Variants in PDZD2 observed in about 807,000 individuals in gnomAD.
PDZD2 encodes the protein PDZ domain-containing protein 2.
In PDZD2, 90 loss-of-function variants were observed where a neutral mutation model predicts 220.7. That is an observed-to-expected ratio of 0.41 (90% CI 0.34 to 0.49). PDZD2 has a LOEUF of 0.49. Among genes scored for constraint, PDZD2 ranks in the 20% least tolerant of loss-of-function variants. PDZD2 has a pLI of 0.28. For synonymous variants in PDZD2, 1,375 were observed against 1,450.5 expected (o/e 0.95, Z 1.18); for missense variants, 3,174 against 3,608.5 (o/e 0.88, Z 3.08).
intron 6 of PDZD2, among the ~76,000 whole-genome samples, chr5:32,019,718 T>C (rs1302755931): frequency 6.6e-6 from 1 of 152,220 alleles, no homozygotes; most frequent in Non-Finnish European, 1.5e-5. Context: ...AACTTTATTA[T>C]CGTTCTTTGG....
chr5:31,989,737 A>G (rs1037074765), intron 3 of PDZD2, among the ~76,000 whole-genome samples: 5 of 151,868 alleles, frequency 3.3e-5, no homozygotes, highest in Non-Finnish European at 7.4e-5. Flanking sequence ...TGTATACCAC[A>G]TTTTCTTTAT....
rs533387472 is a variant in PDZD2 at position 32,097,524 on chromosome 5, G to T, written c.7947+144G>T. ...CCAACATAAAAAGGGAGAAGTGGGAGAAGTAGTACGTAAGGTTTTCGTTGA... is the reference window on the plus strand; with the variant it reads ...CCAACATAAAAAGGGAGAAGTGGGATAAGTAGTACGTAAGGTTTTCGTTGA... On this transcript the variant is annotated intron_variant, in intron 22 of 24. Transcript: ENST00000438447. The T allele has an allele frequency of 8.8e-4, 580 of 661,564 alleles. 2 individuals carry two copies. Among genetic ancestry groups the T allele is most frequent in the Non-Finnish European group, 1.4e-3 (512 of 364,528 alleles). The allele number at this position is 661,564 out of a possible 1,614,324, so 41.0% of individuals were successfully genotyped here.
At position 32,083,196 on chromosome 5, in the gene PDZD2, C is replaced by CAAA. The variant is rs10708046; in HGVS notation, c.3683-3921_3683-3919dup. On this transcript the variant is annotated intron_variant, in intron 19 of 24. Coordinates refer to ENST00000438447, the MANE Select transcript of PDZD2 (RefSeq NM_178140.4). This position sits in a 1 kb window ranked among gnomAD's most constrained non-coding sequence, Gnocchi z 4.1. ...TCCTGTGCTTTTTTTGTCTTTTTGC[C>CAAA]AAAAAAAAAAAAAAAATCCACTGTG... is the stretch of plus-strand genomic sequence containing the variant. Among the ~76,000 whole-genome samples the CAAA allele has an allele frequency of 1.1e-4, 14 of 129,800 alleles. No homozygotes were observed. Among genetic ancestry groups the CAAA allele is most frequent in the African/African-American group, 3.1e-4 (11 of 35,256 alleles). 85.2% of individuals were successfully genotyped at this position (129,800 alleles called of 152,430 possible). A position where few individuals can be genotyped will look rare whatever the true frequency, so the allele number is the denominator to read the frequency against.
chr5:31,807,101 A>G (rs1754778068), intron 2 of PDZD2, among the ~76,000 whole-genome samples: 1 of 151,830 alleles, frequency 6.6e-6, no homozygotes, highest in South Asian at 2.1e-4. Flanking sequence ...TGCCTGGCTA[A>G]TTTTTTGTAT....
At chr5:31,788,898 C>T (rs572755711) in intron 1 of PDZD2, among the ~76,000 whole-genome samples, 116 of 152,158 alleles carry the variant, frequency 7.6e-4, no homozygotes, top group African/African-American at 2.7e-3. Flanking sequence ...ACCCTCAAAT[C>T]GAGGCAGGAA....
At chr5:31,845,545 C>T (rs1757537571) in intron 2 of PDZD2, among the ~76,000 whole-genome samples, 1 of 152,142 alleles carries the variant, frequency 6.6e-6, no homozygotes, top group African/African-American at 2.4e-5. Context: ...GTGTCCTGCA[C>T]AGATTAGAAT....
intron 1 of PDZD2, among the ~76,000 whole-genome samples, chr5:31,781,680 A>C (rs1753071016): frequency 6.6e-6 from 1 of 152,238 alleles, no homozygotes; most frequent in Non-Finnish European, 1.5e-5. Flanking sequence ...TGATTTGAAA[A>C]TCACTGGTGG....
chr5:31,744,951 T>C (rs1046329628), intron 1 of PDZD2, among the ~76,000 whole-genome samples: 3 of 152,014 alleles, frequency 2.0e-5, no homozygotes, highest in African/African-American at 7.2e-5. Flanking sequence ...TGGGCACCTG[T>C]AATCCCAGCT....
rs146573250 is a variant in PDZD2 at position 31,721,039 on chromosome 5, T to C, written c.-360-77850T>C. On this transcript the variant is annotated intron_variant, in intron 1 of 24. Transcript: ENST00000438447. ...AAGGCAGGAGGAGGTTGGAGTGCGC[T>C]GCTTCCTATGCTTTCATTTTGGGTT... is the stretch of plus-strand genomic sequence containing the variant. Among the ~76,000 whole-genome samples, 530 of 152,232 alleles carry C rather than the reference T, an allele frequency of 3.5e-3. 4 individuals are homozygous for C. Among genetic ancestry groups the C allele is most frequent in the African/African-American group, 0.012 (490 of 41,536 alleles).
At chr5:31,993,386 G>A (rs1751384623) in intron 3 of PDZD2, among the ~76,000 whole-genome samples, 3 of 152,214 alleles carry the variant, frequency 2.0e-5, no homozygotes, top group South Asian at 2.1e-4. Context: ...CACGCTACCC[G>A]AAGGAGTGTG....
intron 1 of PDZD2, among the ~76,000 whole-genome samples, chr5:31,736,859 C>CTGAG (rs918967860): frequency 2.0e-5 from 3 of 152,108 alleles, no homozygotes; most frequent in African/African-American, 7.2e-5. Context: ...CACACAGGAT[C>CTGAG]TGAGATCTGG....
At chr5:32,015,561 C>A (rs1321571928) in intron 6 of PDZD2, among the ~76,000 whole-genome samples, 1 of 152,094 alleles carries the variant, frequency 6.6e-6, no homozygotes, top group Non-Finnish European at 1.5e-5. Context: ...CATGCAGTGA[C>A]AATATTTTAA....
chr5:31,888,328 G>A (rs1350105989), intron 2 of PDZD2, among the ~76,000 whole-genome samples: 1 of 152,130 alleles, frequency 6.6e-6, no homozygotes, highest in Non-Finnish European at 1.5e-5. Flanking sequence ...GAGTAGCTGG[G>A]ATTACAGGCG....
rs1580978227 is a variant in PDZD2 at position 31,880,791 on chromosome 5, C to CTTTTTTTCT, written c.476+81074_476+81075insCTTTTTTTT. On this transcript the variant is annotated intron_variant, in intron 2 of 24. Transcript: ENST00000438447. ...AGAAAGGTAGCTTTCTTTTTTTTTT[C>CTTTTTTTCT]TTTTTTTTTTTTTTTTTTTTTTTTT... is the stretch of plus-strand genomic sequence containing the variant. Among the ~76,000 whole-genome samples the CTTTTTTTCT allele has an allele frequency of 6.1e-3, 464 of 76,530 alleles. 4 individuals carry two copies. Among genetic ancestry groups the CTTTTTTTCT allele is most frequent in the East Asian group, 8.7e-3 (24 of 2,770 alleles). The allele number at this position is 76,530 out of a possible 152,430, so 50.2% of individuals were successfully genotyped here. A position where few individuals can be genotyped will look rare whatever the true frequency, so the allele number is the denominator to read the frequency against.
chr5:31,767,027 C>CTTTTT lies in PDZD2; in HGVS notation c.-360-31847_-360-31843dup, dbSNP rs3032828. ...ACAGGTGTGAGCAACTGCACCCAGC[C>CTTTTT]TTTTTTTTTTTTTTTTTTTGAGACA... On this transcript the variant is annotated intron_variant, in intron 1 of 24. Transcript: ENST00000438447. 1.4e-3 allele frequency among the ~76,000 whole-genome samples: 128 copies of CTTTTT among 94,292 alleles called. 4 individuals are homozygous for CTTTTT. Among genetic ancestry groups the CTTTTT allele is most frequent in the African/African-American group, 5.8e-3 (118 of 20,314 alleles). 61.9% of individuals were successfully genotyped at this position (94,292 alleles called of 152,430 possible).
intron 2 of PDZD2, among the ~76,000 whole-genome samples, chr5:31,896,905 C>T (rs1407002547): frequency 6.6e-6 from 1 of 152,200 alleles, no homozygotes; most frequent in South Asian, 2.1e-4. Context: ...TGCAGTGAGC[C>T]ATGATTGTGC....
chr5:31,712,190 G>A (rs1442128981), intron 1 of PDZD2: 1 of 152,262 alleles, frequency 6.6e-6, no homozygotes, highest in East Asian at 1.9e-4. Context: ...GATCATCCTG[G>A]TTATCTGTTG....
Position 31,850,243 on chromosome 5 carries a change from T to TATATATACACAC in PDZD2, c.476+50520_476+50521insTATATACACACA, listed in dbSNP as rs577432352. Among the ~76,000 whole-genome samples, 94 of 122,230 alleles carry TATATATACACAC rather than the reference T, an allele frequency of 7.7e-4. 3 individuals carry two copies. Among genetic ancestry groups the TATATATACACAC allele is most frequent in the African/African-American group, 8.7e-4 (29 of 33,214 alleles). 80.2% of individuals were successfully genotyped at this position (122,230 alleles called of 152,430 possible). On this transcript the variant is annotated intron_variant, in intron 2 of 24. Coordinates refer to ENST00000438447, the MANE Select transcript of PDZD2 (RefSeq NM_178140.4). Reference sequence around the variant, plus strand: ...ATATATAAGTATATATATATATATATACACACACACACACACACATATATA... The same window carrying TATATATACACAC: ...ATATATAAGTATATATATATATATATATATATACACACACACACACACACACACACATATATA...
chr5:31,864,324 G>C (rs1273784466), intron 2 of PDZD2, among the ~76,000 whole-genome samples: 2 of 152,170 alleles, frequency 1.3e-5, no homozygotes, highest in Non-Finnish European at 2.9e-5. Context: ...GCTGCACTCT[G>C]CCTGTCTCCG....
Sources: allele counts gnomAD v4.1 joint callset (sites outside exome capture counted in the v4.1 genomes callset), GRCh38; gene constraint gnomAD v4.1.1; non-coding constraint Gnocchi (gnomAD v3.1); transcripts MANE v1.5; gene names NCBI Gene and HGNC (gene_info 2026-07-23, HGNC 2026-07-21).